ZRANB3: variants seen among roughly 807,000 people sequenced by gnomAD.
ZRANB3 encodes the protein DNA annealing helicase and endonuclease ZRANB3.
A neutral mutation model predicts 133.8 loss-of-function variants in ZRANB3; 125 were observed. The observed-to-expected ratio is 0.93, with a 90% confidence interval of 0.81 to 1.08. The LOEUF is 1.08. Among genes scored for constraint, ZRANB3 ranks in the 50% least tolerant of loss-of-function variants. The probability of loss-of-function intolerance (pLI) is 0.00; values close to 1 mark genes in which losing one functional copy is unlikely to be tolerated. For missense variants in ZRANB3, 1,229 were observed against 1,275.5 expected, an observed-to-expected ratio of 0.96 and a Z score of 0.56; for synonymous variants, 387 against 432.7, an observed-to-expected ratio of 0.89 and a Z score of 1.31.
intron 6 of ZRANB3, among the ~76,000 whole-genome samples, chr2:135,339,196 C>G (rs6750453): frequency 0.27 from 40,695 of 151,936 alleles, 9,128 homozygotes; most frequent in African/African-American, 0.6. Context: ...CGGAACACCT[C>G]AGGTCAGGAG....
chr2:135,332,821 A>G (rs925006649), intron 6 of ZRANB3, among the ~76,000 whole-genome samples: 2 of 152,168 alleles, frequency 1.3e-5, no homozygotes, highest in Non-Finnish European at 2.9e-5. Flanking sequence ...CAAATCCATT[A>G]TATTTTTTCT....
At chr2:135,301,367 G>C (rs1682424165) in intron 8 of ZRANB3, among the ~76,000 whole-genome samples, 1 of 151,952 alleles carries the variant, frequency 6.6e-6, no homozygotes, top group Non-Finnish European at 1.5e-5. Context: ...TGTATTTTTA[G>C]TAGAGATGGA....
At chr2:135,250,968 T>C (rs1373231860) in intron 12 of ZRANB3, among the ~76,000 whole-genome samples, 1 of 152,136 alleles carries the variant, frequency 6.6e-6, no homozygotes, top group African/African-American at 2.4e-5. Context: ...TGACAGCCTG[T>C]ACCATGCTCC....
intron 19 of ZRANB3, 81 bp downstream of exon 19, chr2:135,207,353 G>T: frequency 6.9e-7 from 1 of 1,458,740 alleles, no homozygotes; most frequent in Non-Finnish European, 9.1e-7. Flanking sequence ...ATATTCCCAT[G>T]TTAAAATGTA....
At chr2:135,260,506 T>C (rs1679902211) in intron 12 of ZRANB3, among the ~76,000 whole-genome samples, 1 of 151,658 alleles carries the variant, frequency 6.6e-6, no homozygotes, top group Non-Finnish European at 1.5e-5. Context: ...GGGTAAAGAA[T>C]TGTGACTCAT....
chr2:135,233,527 TA>T (rs1415996175), intron 12 of ZRANB3, among the ~76,000 whole-genome samples: 1 of 152,128 alleles, frequency 6.6e-6, no homozygotes, highest in Non-Finnish European at 1.5e-5. Flanking sequence ...GAAAAAATGT[TA>T]AGGGCAGCCA....
At chr2:135,211,568 G>A (rs529569226) in intron 17 of ZRANB3, among the ~76,000 whole-genome samples, 1 of 151,922 alleles carries the variant, frequency 6.6e-6, no homozygotes, top group African/African-American at 2.4e-5. Context: ...AAAGAAACCC[G>A]TACCCACTAG....
chr2:135,517,090 C>G (rs1224466603), intron 1 of ZRANB3, among the ~76,000 whole-genome samples: 1 of 151,840 alleles, frequency 6.6e-6, no homozygotes, highest in Non-Finnish European at 1.5e-5. Context: ...GTATGATTCA[C>G]AAAGTTCTCA....
intron 2 of ZRANB3, among the ~76,000 whole-genome samples, chr2:135,490,178 T>C (rs1356063006): frequency 7.9e-5 from 12 of 152,182 alleles, no homozygotes; most frequent in Admixed American, 7.9e-4. Flanking sequence ...GCCTGAGGAA[T>C]TTCTTACCCC....
chr2:135,455,376 C>A (rs111313620), intron 2 of ZRANB3, among the ~76,000 whole-genome samples: 1 of 150,860 alleles, frequency 6.6e-6, no homozygotes, highest in South Asian at 2.1e-4. Flanking sequence ...TTACTAGAGA[C>A]GGGGTTTCGC....
chr2:135,511,419 T>A (rs528744049), intron 1 of ZRANB3: 155 of 814,614 alleles, frequency 1.9e-4, no homozygotes, highest in South Asian at 1.0e-3. Context: ...AACTGCCTGA[T>A]CACAGAAAGT....
intron 2 of ZRANB3, among the ~76,000 whole-genome samples, chr2:135,465,896 C>A (rs1454671581): frequency 6.6e-6 from 1 of 152,042 alleles, no homozygotes; most frequent in African/African-American, 2.4e-5. Flanking sequence ...GACATTTATG[C>A]GACCAACAAA....
intron 2 of ZRANB3, among the ~76,000 whole-genome samples, chr2:135,391,770 G>A (rs1352017388): frequency 6.6e-6 from 1 of 151,840 alleles, no homozygotes; most frequent in Non-Finnish European, 1.5e-5. Context: ...TAGTAGAGAC[G>A]GGGTTTCACC....
intron 13 of ZRANB3, chr2:135,228,232 C>A (rs1376430120): frequency 2.7e-6 from 1 of 369,716 alleles, no homozygotes; most frequent in Non-Finnish European, 4.8e-6. Context: ...AGACTCCATT[C>A]TAAATGGCAG....
intron 12 of ZRANB3, among the ~76,000 whole-genome samples, chr2:135,241,747 T>C (rs1695562405): frequency 6.6e-6 from 1 of 152,008 alleles, no homozygotes; most frequent in South Asian, 2.1e-4. Flanking sequence ...GTTACTGCAA[T>C]AGAAAATACA....
chr2:135,403,458 G>A (rs781667282), intron 2 of ZRANB3, among the ~76,000 whole-genome samples: 6 of 152,252 alleles, frequency 3.9e-5, no homozygotes, highest in Non-Finnish European at 7.3e-5. Flanking sequence ...CAGCCTGGAA[G>A]CTCCAACTGT....
chr2:135,368,931 A>G (rs1329067134), intron 3 of ZRANB3, among the ~76,000 whole-genome samples: 1 of 152,090 alleles, frequency 6.6e-6, no homozygotes, highest in Non-Finnish European at 1.5e-5. Flanking sequence ...AATATTATTT[A>G]TCAATAATAG....
At chr2:135,233,382 C>T (rs568647368) in intron 12 of ZRANB3, among the ~76,000 whole-genome samples, 23 of 152,256 alleles carry the variant, frequency 1.5e-4, no homozygotes, top group African/African-American at 4.8e-4. Flanking sequence ...GGATATTATC[C>T]GGGAGAACTT....
At chr2:135,385,393 T>C (rs1473547821) in intron 3 of ZRANB3, among the ~76,000 whole-genome samples, 1 of 152,172 alleles carries the variant, frequency 6.6e-6, no homozygotes, top group Non-Finnish European at 1.5e-5. Context: ...GAAGAATCAA[T>C]ATTGTGAAAA....
Sources: allele counts gnomAD v4.1 joint callset (sites outside exome capture counted in the v4.1 genomes callset), GRCh38; gene constraint gnomAD v4.1.1; transcripts MANE v1.5; gene names NCBI Gene and HGNC (gene_info 2026-07-23, HGNC 2026-07-21).